The following ACAD8 variants were observed in gnomAD, a reference collection of about 807,000 sequenced individuals.
ACAD8 encodes the protein acyl-CoA dehydrogenase family member 8.
A neutral mutation model predicts 53.1 loss-of-function variants in ACAD8; 47 were observed. That is an observed-to-expected ratio of 0.89 (90% CI 0.70 to 1.13). The LOEUF (loss-of-function observed/expected upper bound fraction) is 1.13, where lower values mean the gene tolerates loss of function less well. Among genes scored for constraint, ACAD8 ranks in the 50% most tolerant of loss-of-function variants. The probability of loss-of-function intolerance (pLI) is 0.00; values close to 1 mark genes in which losing one functional copy is unlikely to be tolerated. For missense variants in ACAD8, 494 were observed against 535.0 expected (o/e 0.92, Z 0.76); for synonymous variants, 198 against 201.3 (o/e 0.98, Z 0.14).
chr11:134,256,577 G>T lies in ACAD8; in HGVS notation c.139G>T (p.Glu47Ter), dbSNP rs1412677737. ...PSMGLNEEQK[E>*]FQKVAFDFAA... is the part of the protein sequence containing the mutation. ...CATGGGACTTAATGAAGAGCAGAAA[G>T]AATTTCAAAAAGTGGCCTTTGACTT... is the stretch of plus-strand genomic sequence containing the variant. Residue 47 changes from glutamate to a stop codon, truncating the protein, a stop_gained, in exon 2 of 11, where the codon GAA becomes TAA. Coordinates refer to ENST00000281182, the MANE Select transcript of ACAD8 (RefSeq NM_014384.3). LOFTEE classifies it high-confidence loss of function. 2 of 1,614,078 alleles carry T rather than the reference G, an allele frequency of 1.2e-6. No homozygotes were observed. The highest frequency in any genetic ancestry group is 8.5e-7 in the Non-Finnish European group (1 of 1,180,038).
At chr11:134,262,241 C>T (rs1358737919) in intron 9 of ACAD8, 3 of 650,248 alleles carry the variant, frequency 4.6e-6, no homozygotes, top group Non-Finnish European at 5.7e-6. Context: ...TTTATCATCC[C>T]AGCCAGGGTG....
At position 134,262,828 on chromosome 11, in the gene ACAD8, T is replaced by G. The variant is rs552080978; in HGVS notation, c.1195+206T>G. The G allele has an allele frequency of 2.1e-3, 3,077 of 1,453,272 alleles. 12 individuals are homozygous for G. The highest frequency in any genetic ancestry group is 2.6e-3 in the South Asian group (217 of 82,474). 90.0% of individuals were successfully genotyped at this position (1,453,272 alleles called of 1,614,324 possible). On this transcript the variant is annotated intron_variant, in intron 10 of 10. Transcript: ENST00000281182. ...GCAGCTTCGTCCCTTTCGGGGGGCCTCAGATCGCTCTGCTGCTGCCCTTTT... is the reference window on the plus strand; with the variant it reads ...GCAGCTTCGTCCCTTTCGGGGGGCCGCAGATCGCTCTGCTGCTGCCCTTTT...
At position 134,253,731 on chromosome 11, in the gene ACAD8, G is replaced by A. The variant is rs746849126; in HGVS notation, c.109+22G>A. On this transcript the variant is annotated intron_variant, in intron 1 of 10. Coordinates refer to ENST00000281182, the MANE Select transcript of ACAD8 (RefSeq NM_014384.3). ...GACCGTAAGGATCTCCTGGCGGGCA[G>A]TAGGACAGGTGTCCAGAACCCCGGC... is the stretch of plus-strand genomic sequence containing the variant. 32 of 1,569,986 alleles carry A rather than the reference G, an allele frequency of 2.0e-5. No individual in the cohort carries two copies. In the South Asian group the frequency reaches 3.7e-4, roughly 18 times the overall value.
intron 10 of ACAD8, chr11:134,262,926 T>G: frequency 1.5e-6 from 2 of 1,306,660 alleles, no homozygotes; most frequent in Non-Finnish European, 2.0e-6. Context: ...CAGCCGGGGC[T>G]TTTCTCTAAG....
chr11:134,262,551 G>T lies in ACAD8; in HGVS notation c.1124G>T (p.Gly375Val). ...AACCAGGCCTTGCAGATGCACGGGG[G>T]CTACGGCTACCTGAAGGATTACGCT... ...ICNQALQMHG[G>V]YGYLKDYAVQ... is the part of the protein sequence containing the mutation. The change falls in exon 10 of 11, where the codon GGC becomes GTC. Residue 375 changes from glycine to valine, a missense_variant. Physicochemically the swap from Gly to Val is moderately radical, Grantham distance 109. Coordinates refer to ENST00000281182, the MANE Select transcript of ACAD8 (RefSeq NM_014384.3). 6.2e-7 allele frequency: 1 copy of T among 1,614,072 alleles called. No individual in the cohort carries two copies. The highest frequency in any genetic ancestry group is 8.5e-7 in the Non-Finnish European group (1 of 1,179,984).
Position 134,265,286 on chromosome 11 carries a change from T to G in ACAD8, c.*326T>G, listed in dbSNP as rs546692837. 1.4e-5 allele frequency: 5 copies of G among 367,784 alleles called. No homozygotes were observed. In the East Asian group the frequency reaches 2.5e-4, roughly 19 times the overall value. 22.8% of individuals were successfully genotyped at this position (367,784 alleles called of 1,614,324 possible). A position where few individuals can be genotyped will look rare whatever the true frequency, so the allele number is the denominator to read the frequency against. On this transcript the variant is annotated 3_prime_UTR_variant, in exon 11 of 11. Coordinates refer to ENST00000281182, the MANE Select transcript of ACAD8 (RefSeq NM_014384.3). ...TGGATCCACTTTATCTTGATTAGTC[T>G]GCATTTTACTAGTTCACTGGATCCC...
chr11:134,254,426 G>T (rs1939354526), intron 1 of ACAD8, among the ~76,000 whole-genome samples: 1 of 152,208 alleles, frequency 6.6e-6, no homozygotes, highest in Non-Finnish European at 1.5e-5. Flanking sequence ...GCGAGGAGTG[G>T]TGGAGACCCG....
chr11:134,261,023 G>A lies in ACAD8; in HGVS notation c.706-21G>A, dbSNP rs75844584. The A allele has an allele frequency of 8.6e-3, 13,812 of 1,610,702 alleles. 1,014 individuals are homozygous for A. The African/African-American group carries it at 0.16, about 19-fold the overall frequency. On this transcript the variant is annotated intron_variant, in intron 6 of 10. Transcript: ENST00000281182. The surrounding 1 kb of genome is among the most constrained non-coding windows in gnomAD (Gnocchi z 4.2). ...ACCTGCTGGATTGTTGGGCAACCAC[G>A]CAGTCCCTGATTTTTGCCAGGTGGG...
At chr11:134,262,275 AG>A in intron 9 of ACAD8, 1 of 659,372 alleles carries the variant, frequency 1.5e-6, no homozygotes, top group African/African-American at 1.8e-5. Flanking sequence ...TCTGCCTGGC[AG>A]GTAATAAGGG....
rs1210617740 is a variant in ACAD8 at position 134,265,616 on chromosome 11, G to A, written c.*656G>A. On this transcript the variant is annotated 3_prime_UTR_variant, in exon 11 of 11. Coordinates refer to ENST00000281182, the MANE Select transcript of ACAD8 (RefSeq NM_014384.3). ...TCATGTTAAGAAGCCTGTGGTCTAG[G>A]AGTGCTATTCAGTGTTTCTTTTCCT... is the stretch of plus-strand genomic sequence containing the variant. The A allele has an allele frequency of 2.0e-5, 3 of 152,284 alleles. No homozygotes were observed. The highest frequency in any genetic ancestry group is 7.2e-5 in the African/African-American group (3 of 41,436). The allele number at this position is 152,284 out of a possible 1,614,324, so 9.4% of individuals were successfully genotyped here.
At chr11:134,262,894 T>C in intron 10 of ACAD8, 1 of 1,345,760 alleles carries the variant, frequency 7.4e-7, no homozygotes, top group East Asian at 4.3e-5. Context: ...AGATAATGGA[T>C]GAGAAAGCAT....
Position 134,256,548 on chromosome 11 carries a change from C to G in ACAD8, c.110C>G (p.Pro37Arg). ...GHRSLTSCIDPSMGLNEEQKE... is the reference protein window; with the variant it reads ...GHRSLTSCIDRSMGLNEEQKE... ...ACAGTATATGCAATCCTGCCCACAG[C>G]TTCCATGGGACTTAATGAAGAGCAG... is the stretch of plus-strand genomic sequence containing the variant. The change falls in exon 2 of 11, where the codon CCT becomes CGT. Residue 37 changes from proline (P) to arginine (R), a missense_variant and splice_region_variant. Physicochemically the swap from Pro to Arg is moderately radical, Grantham distance 103. Coordinates refer to ENST00000281182, the MANE Select transcript of ACAD8 (RefSeq NM_014384.3). 6.2e-7 allele frequency: 1 copy of G among 1,613,630 alleles called. No individual in the cohort carries two copies. Among genetic ancestry groups the G allele is most frequent in the South Asian group, 1.1e-5 (1 of 91,080 alleles).
intron 2 of ACAD8, 76 bp from the exon 3 acceptor site, chr11:134,257,012 A>C (rs1484758008): frequency 6.7e-7 from 1 of 1,498,214 alleles, no homozygotes; most frequent in East Asian, 2.3e-5. Context: ...AAGCCTCCTA[A>C]TCCCTCACTG....
intron 1 of ACAD8, among the ~76,000 whole-genome samples, 163 bp downstream of exon 1, chr11:134,253,872 C>T (rs1037947934): frequency 6.6e-6 from 1 of 151,796 alleles, no homozygotes; most frequent in Admixed American, 6.6e-5. Flanking sequence ...CCGGTCACCC[C>T]CGGCCTGGCT....
intron 9 of ACAD8, 186 bp downstream of exon 9, chr11:134,262,076 C>A (rs373549567): frequency 2.1e-5 from 15 of 726,790 alleles, no homozygotes; most frequent in Non-Finnish European, 3.4e-5. Context: ...GGCTTTTAGG[C>A]CTGCTGCATG....
Position 134,257,245 on chromosome 11 carries a change from T to C in ACAD8, c.368T>C (p.Ile123Thr), listed in dbSNP as rs1353919966. 3 of 1,614,182 alleles carry C rather than the reference T, an allele frequency of 1.9e-6. No homozygotes were observed. The highest frequency in any genetic ancestry group is 2.5e-6 in the Non-Finnish European group (3 of 1,180,028). The change falls in exon 3 of 11, where the codon ATA becomes ACA. Residue 123 changes from isoleucine to threonine, a missense_variant. Coordinates refer to ENST00000281182, the MANE Select transcript of ACAD8 (RefSeq NM_014384.3). ...ATGCTSTTAY[I>T]SIHNMCAWMI... ...GGCTGCACCAGCACCACAGCCTATA[T>C]AAGCATCCACAAGTGAGTGCCCAAG...
chr11:134,261,166 G>C lies in ACAD8; in HGVS notation c.828G>C (p.Gly276=). The C allele has an allele frequency of 6.2e-7, 1 of 1,613,302 alleles. No homozygotes were observed. The highest frequency in any genetic ancestry group is 1.3e-5 in the African/African-American group (1 of 75,054). The change falls in exon 7 of 11, where the codon GGG becomes GGC. Residue 276 remains glycine (G), a synonymous_variant. Transcript: ENST00000281182. The surrounding 1 kb of genome is among the most constrained non-coding windows in gnomAD (Gnocchi z 4.2). ...TTGCCGTGAGAGGACTGAACGGAGG[G>C]AGGATCAATATTGGTGAGATACGCA... is the stretch of plus-strand genomic sequence containing the variant. ...FLIAVRGLNG[G]RINIASCSLG...
chr11:134,261,419 G>C lies in ACAD8; in HGVS notation c.939+47G>C. ...CATGGCTTTGCACTATTTGCAGCCCGGGACCTGCTCTAGGGCCCACATTTC... is the reference window on the plus strand; with the variant it reads ...CATGGCTTTGCACTATTTGCAGCCCCGGACCTGCTCTAGGGCCCACATTTC... On this transcript the variant is annotated intron_variant, in intron 8 of 10. Transcript: ENST00000281182. The surrounding 1 kb of genome is among the most constrained non-coding windows in gnomAD (Gnocchi z 4.2). 1 of 1,594,542 alleles carries C rather than the reference G, an allele frequency of 6.3e-7. No homozygotes were observed. The highest frequency in any genetic ancestry group is 8.6e-7 in the Non-Finnish European group (1 of 1,162,402).
rs1291571330 is a variant in ACAD8 at position 134,261,216 on chromosome 11, C to A, written c.841+37C>A. ...AGGGGTGTGGCAGGGAGGTAGCGGT[C>A]CGGGACAGGCACTGCTGTTTTCCAG... On this transcript the variant is annotated intron_variant, in intron 7 of 10. Coordinates refer to ENST00000281182, the MANE Select transcript of ACAD8 (RefSeq NM_014384.3). The surrounding 1 kb of genome is among the most constrained non-coding windows in gnomAD (Gnocchi z 4.2). 1 of 1,613,916 alleles carries A rather than the reference C, an allele frequency of 6.2e-7. No individual in the cohort carries two copies. Among genetic ancestry groups the A allele is most frequent in the Non-Finnish European group, 8.5e-7 (1 of 1,180,000 alleles).
Sources: allele counts gnomAD v4.1 joint callset (sites outside exome capture counted in the v4.1 genomes callset), GRCh38; gene constraint gnomAD v4.1.1; non-coding constraint Gnocchi (gnomAD v3.1); transcripts MANE v1.5; gene names NCBI Gene and HGNC (gene_info 2026-07-23, HGNC 2026-07-21).